COL26A1: variants seen among roughly 807,000 people sequenced by gnomAD.
COL26A1 encodes the protein collagen type XXVI alpha 1 chain.
In COL26A1, 41 loss-of-function variants were observed where a neutral mutation model predicts 59.3. That is an observed-to-expected ratio of 0.69 (90% CI 0.54 to 0.90). The LOEUF is 0.90. Among genes scored for constraint, COL26A1 ranks in the 40% least tolerant of loss-of-function variants. COL26A1 has a pLI of 0.00. For missense variants in COL26A1, 612 were observed against 602.3 expected (o/e 1.02, Z -0.17); for synonymous variants, 266 against 256.0 (o/e 1.04, Z -0.37).
At chr7:101,423,244 C>T (rs776273115) in intron 2 of COL26A1, among the ~76,000 whole-genome samples, 15 of 151,610 alleles carry the variant, frequency 9.9e-5, no homozygotes, top group African/African-American at 2.7e-4. Flanking sequence ...CTAGCCTGGG[C>T]GACAGAGTGA....
chr7:101,430,684 A>G (rs1792758070), intron 2 of COL26A1, among the ~76,000 whole-genome samples: 1 of 151,988 alleles, frequency 6.6e-6, no homozygotes, highest in East Asian at 1.9e-4. Flanking sequence ...ATGCAGCTGA[A>G]TTCACTAGTT....
chr7:101,428,659 TTGTGGTCG>T (rs1203890931), intron 2 of COL26A1, among the ~76,000 whole-genome samples: 1 of 151,986 alleles, frequency 6.6e-6, no homozygotes, highest in Non-Finnish European at 1.5e-5. Flanking sequence ...TTGCAGTCTT[TTGTGGTCG>T]TGTGTGTGTG....
At chr7:101,533,189 C>G in intron 4 of COL26A1, 46 bp downstream of exon 4, 1 of 1,452,468 alleles carries the variant, frequency 6.9e-7, no homozygotes, top group African/African-American at 1.4e-5. Context: ...GCCTGGGGAC[C>G]TTGGGTGGTG....
intron 4 of COL26A1, among the ~76,000 whole-genome samples, chr7:101,537,560 G>A (rs757295686): frequency 6.6e-6 from 1 of 152,196 alleles, no homozygotes; most frequent in Non-Finnish European, 1.5e-5. Flanking sequence ...GGAGGGCTGA[G>A]ACGCTGGCAG....
Position 101,515,287 on chromosome 7 carries a change from A to AT in COL26A1, c.386-17785dup, listed in dbSNP as rs34397132. Among the ~76,000 whole-genome samples, 749 of 149,918 alleles carry AT rather than the reference A, an allele frequency of 5.0e-3. 8 individuals are homozygous for AT. The highest frequency in any genetic ancestry group is 0.016 in the African/African-American group (665 of 40,850). ...AGACCCTCTCTTACTATAAATATTT[A>AT]TTTTTTTTTTGAGACAGGGTCTCAA... On this transcript the variant is annotated intron_variant, in intron 3 of 12. Transcript: ENST00000313669.
At position 101,388,135 on chromosome 7, in the gene COL26A1, A is replaced by G. The variant is rs147080394; in HGVS notation, c.158+24945A>G. Among the ~76,000 whole-genome samples the G allele has an allele frequency of 3.1e-3, 477 of 151,978 alleles. 1 individual carries two copies. Among genetic ancestry groups the G allele is most frequent in the Non-Finnish European group, 4.4e-3 (299 of 67,980 alleles). On this transcript the variant is annotated intron_variant, in intron 1 of 12. Transcript: ENST00000313669. ...TTAAAGACATTTACATTGTCATGCA[A>G]TCACCATCACCATCCATCTCTGGAA... is the stretch of plus-strand genomic sequence containing the variant.
chr7:101,549,343 G>A lies in COL26A1; in HGVS notation c.993+120G>A, dbSNP rs964327520. ...AGAGTCACTCAGGAAGGAGCCAGTC[G>A]GCCTGGCCGGTGAGATTTTATTTTA... On this transcript the variant is annotated intron_variant, in intron 9 of 12. Coordinates refer to ENST00000313669, the MANE Select transcript of COL26A1 (RefSeq NM_001278563.3). 205 of 626,984 alleles carry A rather than the reference G, an allele frequency of 3.3e-4. 1 individual carries two copies. The highest frequency in any genetic ancestry group is 1.3e-3 in the Middle Eastern group (5 of 3,926). 38.8% of individuals were successfully genotyped at this position (626,984 alleles called of 1,614,324 possible).
chr7:101,534,654 T>TACAC (rs3073378), intron 4 of COL26A1, among the ~76,000 whole-genome samples: 180 of 147,638 alleles, frequency 1.2e-3, no homozygotes, highest in African/African-American at 4.0e-3. Context: ...CACATACATA[T>TACAC]ACACACACAC....
At chr7:101,500,136 T>C (rs1794670719) in intron 3 of COL26A1, among the ~76,000 whole-genome samples, 1 of 152,182 alleles carries the variant, frequency 6.6e-6, no homozygotes, top group African/African-American at 2.4e-5. Flanking sequence ...CTATTGTGGC[T>C]GTTTGGAGTA....
intron 11 of COL26A1, among the ~76,000 whole-genome samples, chr7:101,553,659 C>G (rs1307556850): frequency 6.6e-6 from 1 of 152,142 alleles, no homozygotes; most frequent in Non-Finnish European, 1.5e-5. Context: ...AGAGGAGTCG[C>G]AAACTTGTAG....
intron 1 of COL26A1, among the ~76,000 whole-genome samples, chr7:101,373,033 A>C (rs921786846): frequency 6.6e-6 from 1 of 152,104 alleles, no homozygotes; most frequent in Non-Finnish European, 1.5e-5. Context: ...GAGCTTTTGG[A>C]GTCTGGATGT....
chr7:101,471,556 T>C (rs1375214868), intron 3 of COL26A1, among the ~76,000 whole-genome samples: 9 of 150,186 alleles, frequency 6.0e-5, no homozygotes, highest in Non-Finnish European at 1.3e-4. Context: ...TGTTTTGTTG[T>C]TGTTGTTGTT....
intron 1 of COL26A1, among the ~76,000 whole-genome samples, chr7:101,383,533 A>T (rs369116880): frequency 6.8e-6 from 1 of 147,588 alleles, no homozygotes; most frequent in Non-Finnish European, 1.5e-5. Flanking sequence ...CGCCTGGCTA[A>T]TTTTTTTTTT....
chr7:101,481,344 G>A (rs1480148946), intron 3 of COL26A1, among the ~76,000 whole-genome samples: 1 of 150,868 alleles, frequency 6.6e-6, no homozygotes, highest in Non-Finnish European at 1.5e-5. Flanking sequence ...TGTGTCTTCA[G>A]TTTTTCTCTT....
intron 2 of COL26A1, among the ~76,000 whole-genome samples, chr7:101,433,081 G>A (rs1338991344): frequency 1.3e-5 from 2 of 152,060 alleles, no homozygotes; most frequent in African/African-American, 2.4e-5. Flanking sequence ...CCAACACTTC[G>A]GGAGGCTGAG....
intron 2 of COL26A1, among the ~76,000 whole-genome samples, chr7:101,438,996 G>C (rs1387266164): frequency 2.0e-5 from 3 of 152,172 alleles, no homozygotes; most frequent in Non-Finnish European, 4.4e-5. Context: ...TTCCTGAGCT[G>C]ATTTTGCCAT....
intron 3 of COL26A1, among the ~76,000 whole-genome samples, chr7:101,525,904 G>C (rs1795237313): frequency 6.6e-6 from 1 of 152,114 alleles, no homozygotes; most frequent in Non-Finnish European, 1.5e-5. Context: ...ATGCTACCCT[G>C]CTGGCTCACC....
intron 3 of COL26A1, among the ~76,000 whole-genome samples, chr7:101,451,952 A>G (rs1793351082): frequency 6.6e-6 from 1 of 151,986 alleles, no homozygotes; most frequent in Admixed American, 6.6e-5. Context: ...GGTGATCTGC[A>G]CCCATCGGCG....
intron 1 of COL26A1, among the ~76,000 whole-genome samples, chr7:101,400,351 CTATTTTTTTTT>C (rs1791965145): frequency 8.1e-6 from 1 of 123,402 alleles, no homozygotes; most frequent in South Asian, 2.7e-4. Flanking sequence ...CTTTTTTTTC[CTATTTTTTTTT>C]TTTTTTTTTT....
Sources: allele counts gnomAD v4.1 joint callset (sites outside exome capture counted in the v4.1 genomes callset), GRCh38; gene constraint gnomAD v4.1.1; transcripts MANE v1.5; gene names NCBI Gene and HGNC (gene_info 2026-07-23, HGNC 2026-07-21).